The following RLF variants were observed in gnomAD, a reference collection of about 807,000 sequenced individuals.
RLF encodes RLF zinc finger.
In RLF, 7 loss-of-function variants were observed where a neutral mutation model predicts 162.9. The ratio of observed to expected loss-of-function variants is 0.04; its 90% CI spans 0.02 to 0.08. The LOEUF (loss-of-function observed/expected upper bound fraction) is 0.08, where lower values mean the gene tolerates loss of function less well. Ranked by LOEUF, RLF falls within the 10% of genes least tolerant of loss-of-function variation. The pLI is 1.00. For synonymous variants in RLF, 782 were observed against 791.5 expected (o/e 0.99, Z 0.20); for missense variants, 1,664 against 2,244.7 (o/e 0.74, Z 5.23).
In RLF at chr1:40,236,157, A is replaced by G; in HGVS notation, c.1455A>G (p.Gln485=). Residue 485 remains glutamine, a synonymous_variant, in exon 8 of 8, where the codon CAA becomes CAG. Transcript: ENST00000372771. This position sits in a 1 kb window ranked among gnomAD's most constrained non-coding sequence, Gnocchi z 7.7. ...GACACTGCCACCAACTTTTAGGACA[A>G]GAAGCCTCAGATTCTGATGATGATT... ...LKRHCHQLLG[Q]EASDSDDDLS... is the part of the protein sequence containing the mutation. The G allele has an allele frequency of 6.2e-7, 1 of 1,613,852 alleles. No individual in the cohort carries two copies. Among genetic ancestry groups the G allele is most frequent in the Non-Finnish European group, 8.5e-7 (1 of 1,179,968 alleles).
intron 1 of RLF, among the ~76,000 whole-genome samples, chr1:40,167,505 A>G (rs1642183946): frequency 6.6e-6 from 1 of 151,932 alleles, no homozygotes; most frequent in South Asian, 2.1e-4. Flanking sequence ...GTGTACTGTG[A>G]CCTCTAGTGG....
chr1:40,180,612 A>G (rs950426320), intron 1 of RLF, among the ~76,000 whole-genome samples: 5 of 152,014 alleles, frequency 3.3e-5, no homozygotes, highest in Admixed American at 2.0e-4. Flanking sequence ...GTCGTATCTC[A>G]TTGTGGTTTT....
At chr1:40,226,982 T>A (rs1006063946) in intron 6 of RLF, among the ~76,000 whole-genome samples, 1 of 152,090 alleles carries the variant, frequency 6.6e-6, no homozygotes, top group Non-Finnish European at 1.5e-5. Flanking sequence ...CTCTGCCTCA[T>A]CCTCCTGAGT....
chr1:40,183,374 C>T (rs369649864), intron 1 of RLF, among the ~76,000 whole-genome samples: 1 of 152,176 alleles, frequency 6.6e-6, no homozygotes, highest in Non-Finnish European at 1.5e-5. Flanking sequence ...AAAAGAAACA[C>T]TAGCTATCTT....
At position 40,238,788 on chromosome 1, in the gene RLF, T is replaced by C. The variant is rs1243690698; in HGVS notation, c.4086T>C (p.Phe1362=). The C allele has an allele frequency of 6.2e-7, 1 of 1,612,798 alleles. No individual in the cohort carries two copies. The highest frequency in any genetic ancestry group is 1.1e-5 in the South Asian group (1 of 90,680). The change falls in exon 8 of 8, where the codon TTT becomes TTC. Residue 1362 remains phenylalanine, a synonymous_variant. Coordinates refer to ENST00000372771, the MANE Select transcript of RLF (RefSeq NM_012421.4). This position sits in a 1 kb window ranked among gnomAD's most constrained non-coding sequence, Gnocchi z 5.2. ...AACTTGTCAAATGTAAAAAGATATT[T>C]GCTTGCAAATATAAGGAATGTAATA... ...KRELVKCKKI[F]ACKYKECNKR...
At position 40,236,271 on chromosome 1, in the gene RLF, T is replaced by C; in HGVS notation, c.1569T>C (p.Tyr523=). 1 of 1,613,766 alleles carries C rather than the reference T, an allele frequency of 6.2e-7. No individual in the cohort carries two copies. The highest frequency in any genetic ancestry group is 8.5e-7 in the Non-Finnish European group (1 of 1,179,910). ...DYDEGKEDKQ[Y]RRRDLTDQHK... is the part of the protein sequence containing the mutation. ...ATGAGGGTAAAGAAGATAAACAATA[T>C]AGAAGAAGAGATTTGACAGATCAGC... The change falls in exon 8 of 8, where the codon TAT becomes TAC. Residue 523 remains tyrosine, a synonymous_variant. Transcript: ENST00000372771. The surrounding 1 kb of genome is among the most constrained non-coding windows in gnomAD (Gnocchi z 7.7).
At chr1:40,196,364 G>T (rs547683734) in intron 4 of RLF, among the ~76,000 whole-genome samples, 2 of 151,872 alleles carry the variant, frequency 1.3e-5, no homozygotes, top group Non-Finnish European at 2.9e-5. Context: ...GAGCCACTGC[G>T]CCCGGTCTGC....
At chr1:40,232,161 T>G (rs1291980879) in intron 7 of RLF, among the ~76,000 whole-genome samples, 6 of 151,024 alleles carry the variant, frequency 4.0e-5, no homozygotes, top group Non-Finnish European at 5.9e-5. Flanking sequence ...TGAGCCAAGA[T>G]TGCACTGCTG....
chr1:40,224,970 C>A (rs914469404), intron 6 of RLF, among the ~76,000 whole-genome samples: 2 of 151,472 alleles, frequency 1.3e-5, no homozygotes, highest in Admixed American at 6.6e-5. Flanking sequence ...AGAGTGACTC[C>A]GTCTCAAAAA....
At chr1:40,210,245 T>G (rs1642849126) in intron 5 of RLF, among the ~76,000 whole-genome samples, 1 of 152,162 alleles carries the variant, frequency 6.6e-6, no homozygotes, top group South Asian at 2.1e-4. Flanking sequence ...CCAAAAATAG[T>G]TACAGAAAGA....
At chr1:40,190,204 T>C (rs1488485363) in intron 2 of RLF, among the ~76,000 whole-genome samples, 1 of 152,206 alleles carries the variant, frequency 6.6e-6, no homozygotes, top group East Asian at 1.9e-4. Flanking sequence ...TGCTCATTAT[T>C]CAAGTTGTAG....
chr1:40,217,762 C>G (rs1304095176), intron 5 of RLF, among the ~76,000 whole-genome samples: 1 of 152,000 alleles, frequency 6.6e-6, no homozygotes, highest in Non-Finnish European at 1.5e-5. Flanking sequence ...ACAGAGCAAT[C>G]CGTCTCAAAA....
At chr1:40,168,763 G>A (rs543315007) in intron 1 of RLF, among the ~76,000 whole-genome samples, 12 of 152,014 alleles carry the variant, frequency 7.9e-5, no homozygotes, top group South Asian at 2.1e-4. Context: ...AGGCCAAGGC[G>A]GGTGGATCAC....
At chr1:40,172,550 T>C (rs1041450501) in intron 1 of RLF, among the ~76,000 whole-genome samples, 2 of 152,166 alleles carry the variant, frequency 1.3e-5, no homozygotes, top group Non-Finnish European at 2.9e-5. Context: ...TTTGGGAGGC[T>C]GAGGCGGGTG....
At chr1:40,170,675 ACT>A (rs2124524857) in intron 1 of RLF, among the ~76,000 whole-genome samples, 1 of 152,138 alleles carries the variant, frequency 6.6e-6, no homozygotes, top group South Asian at 2.1e-4. Flanking sequence ...GCTGACTCTG[ACT>A]GAGCTTTTTA....
intron 1 of RLF, among the ~76,000 whole-genome samples, chr1:40,172,436 C>T (rs1642258344): frequency 1.3e-5 from 2 of 152,258 alleles, no homozygotes; most frequent in Admixed American, 1.3e-4. Context: ...CATGAACTTC[C>T]TTAAATATTA....
chr1:40,236,327 G>T lies in RLF; in HGVS notation c.1625G>T (p.Gly542Val). The change falls in exon 8 of 8, where the codon GGC (glycine) becomes GTC (valine). Residue 542 changes from glycine to valine, a missense_variant. Transcript: ENST00000372771. The surrounding 1 kb of genome is among the most constrained non-coding windows in gnomAD (Gnocchi z 7.7). ...GAGAAAAGAGACAAAAAACCTATTG[G>T]CTCTTCTGAAAGATATCAGAGGTGG... ...HKEKRDKKPIGSSERYQRWLQ... is the reference protein window; with the variant it reads ...HKEKRDKKPIVSSERYQRWLQ... The T allele has an allele frequency of 6.2e-7, 1 of 1,613,896 alleles. No homozygotes were observed. Among genetic ancestry groups the T allele is most frequent in the Non-Finnish European group, 8.5e-7 (1 of 1,179,964 alleles).
At chr1:40,190,655 G>T in intron 2 of RLF, 117 bp from the exon 3 acceptor site, 4 of 634,726 alleles carry the variant, frequency 6.3e-6, no homozygotes, top group South Asian at 5.8e-5. Flanking sequence ...AAATTTTGAA[G>T]AGTAAAAACA....
At chr1:40,164,692 A>C (rs191003268) in intron 1 of RLF, among the ~76,000 whole-genome samples, 77 of 152,278 alleles carry the variant, frequency 5.1e-4, no homozygotes, top group African/African-American at 1.4e-3. Context: ...TAAGTTTTAC[A>C]ATTGGTGTCT....
Sources: allele counts gnomAD v4.1 joint callset (sites outside exome capture counted in the v4.1 genomes callset), GRCh38; gene constraint gnomAD v4.1.1; non-coding constraint Gnocchi (gnomAD v3.1); transcripts MANE v1.5; gene names NCBI Gene and HGNC (gene_info 2026-07-23, HGNC 2026-07-21).